The following HNF4G variants were observed in gnomAD, a reference collection of about 807,000 sequenced individuals.
HNF4G encodes hepatocyte nuclear factor 4-gamma.
Under a neutral mutation model 50.9 loss-of-function variants are expected in HNF4G, and 21 were observed. The ratio of observed to expected loss-of-function variants is 0.41; its 90% confidence interval spans 0.29 to 0.59. The LOEUF (loss-of-function observed/expected upper bound fraction) is 0.59. Among genes scored for constraint, HNF4G ranks in the 20% least tolerant of loss-of-function variants. The pLI, the probability that HNF4G is intolerant of heterozygous loss-of-function variation, is 0.26. For missense variants in HNF4G, 527 were observed against 559.4 expected, an observed-to-expected ratio of 0.94 and a Z score of 0.58; for synonymous variants, 198 against 185.6, an observed-to-expected ratio of 1.07 and a Z score of -0.54.
intron 1 of HNF4G, among the ~76,000 whole-genome samples, chr8:75,410,175 C>T (rs1810468053): frequency 6.6e-6 from 1 of 152,006 alleles, no homozygotes; most frequent in African/African-American, 2.4e-5. Context: ...ATATGAATAT[C>T]TATGTACATT....
At chr8:75,510,347 G>A (rs541343200) in intron 2 of HNF4G, among the ~76,000 whole-genome samples, 11 of 152,168 alleles carry the variant, frequency 7.2e-5, no homozygotes, top group African/African-American at 2.4e-4. Context: ...GTAAGTTAAG[G>A]TTAATTTATT....
Position 75,493,506 on chromosome 8 carries a change from GGTATT to G in HNF4G, c.-24+3302_-24+3306del, listed in dbSNP as rs577294094. 4.2e-4 allele frequency among the ~76,000 whole-genome samples: 64 copies of G among 151,998 alleles called. 1 individual carries two copies. The highest frequency in any genetic ancestry group is 1.5e-3 in the African/African-American group (62 of 41,464). On this transcript the variant is annotated intron_variant, in intron 2 of 10. Coordinates refer to the HNF4G transcript ENST00000354370. ...TTTGACTGCATTCTTATCAATACTT[GGTATT>G]GTAATTGAAAAATAATAAAATGCTA...
chr8:75,504,037 C>T (rs1057082453), intron 2 of HNF4G, among the ~76,000 whole-genome samples: 2 of 152,056 alleles, frequency 1.3e-5, no homozygotes, highest in African/African-American at 4.8e-5. Context: ...GCCTGGCCAA[C>T]ATGGTGAAAC....
chr8:75,487,983 AACTC>A (rs1257127967), intron 1 of HNF4G, among the ~76,000 whole-genome samples: 5 of 152,154 alleles, frequency 3.3e-5, no homozygotes, highest in Non-Finnish European at 5.9e-5. Flanking sequence ...ATCTCTTGAG[AACTC>A]ACTCACTATC....
Position 75,521,666 on chromosome 8 carries a change from C to T in HNF4G, c.-23-22145C>T, listed in dbSNP as rs574407423. ...GTTACTACAGAAAACTAATTTGATACCATCTTTTACTTGATATATCTTGTT... is the reference window on the plus strand; with the variant it reads ...GTTACTACAGAAAACTAATTTGATATCATCTTTTACTTGATATATCTTGTT... On this transcript the variant is annotated intron_variant, in intron 2 of 10. Transcript: ENST00000354370. 2.6e-5 allele frequency among the ~76,000 whole-genome samples: 4 copies of T among 152,214 alleles called. No individual in the cohort carries two copies. In the South Asian group the frequency reaches 8.3e-4, roughly 32 times the overall value.
chr8:75,550,894 A>G (rs932415744), intron 3 of HNF4G, among the ~76,000 whole-genome samples: 2 of 152,094 alleles, frequency 1.3e-5, no homozygotes, highest in African/African-American at 4.8e-5. Flanking sequence ...GTTTTATAAG[A>G]GATCATAATA....
chr8:75,431,635 A>G (rs1002257272), intron 1 of HNF4G, among the ~76,000 whole-genome samples: 1 of 152,140 alleles, frequency 6.6e-6, no homozygotes, highest in Admixed American at 6.6e-5. Flanking sequence ...ACTAAAGAAT[A>G]TAGATGCTAA....
chr8:75,492,008 C>T (rs1291489932), intron 2 of HNF4G, among the ~76,000 whole-genome samples: 1 of 152,212 alleles, frequency 6.6e-6, no homozygotes, highest in Non-Finnish European at 1.5e-5. Flanking sequence ...GCCAGGTTTA[C>T]TCCAGAGCTG....
intron 8 of HNF4G, among the ~76,000 whole-genome samples, chr8:75,559,607 A>G (rs1807247126): frequency 6.6e-6 from 1 of 152,048 alleles, no homozygotes; most frequent in South Asian, 2.1e-4. Flanking sequence ...CACCACCTCT[A>G]TTCCACAGTC....
At chr8:75,511,832 C>T (rs1466558680) in intron 2 of HNF4G, among the ~76,000 whole-genome samples, 1 of 152,228 alleles carries the variant, frequency 6.6e-6, no homozygotes, top group South Asian at 2.1e-4. Context: ...CCCGCCTCGG[C>T]CTCCCAGAGT....
rs1163193727 is a variant in HNF4G, at chr8:75,506,248, CA to C, written c.-24+16046del. 3.3e-5 allele frequency among the ~76,000 whole-genome samples: 5 copies of C among 151,648 alleles called. No homozygotes were observed. In the East Asian group the frequency reaches 9.7e-4, roughly 29 times the overall value. On this transcript the variant is annotated intron_variant, in intron 2 of 10. Coordinates refer to the HNF4G transcript ENST00000354370. The stretch of plus-strand genomic sequence containing the variant: ...GATTTTAAGAATCTGAAATTTCTGT[CA>C]AAAAATGTAAAGCTAATTTTATAAA...
intron 2 of HNF4G, among the ~76,000 whole-genome samples, chr8:75,515,473 G>A (rs1217625942): frequency 1.3e-5 from 2 of 152,072 alleles, no homozygotes; most frequent in African/African-American, 4.8e-5. Context: ...AGGCTGAGAA[G>A]TCCCACAACA....
chr8:75,464,645 A>G lies in HNF4G; in HGVS notation c.-143-25444A>G, dbSNP rs138572810. ...TATTTGACTCAATATAATTTTGCTT[A>G]TGTATTATTGTTTTAACTTTTATGG... On this transcript the variant is annotated intron_variant, in intron 1 of 10. Transcript: ENST00000354370. Among the ~76,000 whole-genome samples the G allele has an allele frequency of 2.6e-3, 396 of 152,254 alleles. 1 individual carries two copies. Among genetic ancestry groups the G allele is most frequent in the African/African-American group, 8.6e-3 (358 of 41,562 alleles).
In HNF4G at chr8:75,426,127, T is replaced by C. The variant is rs76890820; in HGVS notation, c.-144+17965T>C. 2.0e-5 allele frequency among the ~76,000 whole-genome samples: 3 copies of C among 152,350 alleles called. No individual in the cohort carries two copies. The East Asian group carries it at 5.8e-4, about 29-fold the overall frequency. On this transcript the variant is annotated intron_variant, in intron 1 of 10. Transcript: ENST00000354370. ...CACTTGCCTTTGGTCATTTCCTTTC[T>C]TTCCGTATAAGCTTACTGTACATGC...
chr8:75,522,216 C>A (rs536406804), intron 2 of HNF4G, among the ~76,000 whole-genome samples: 38 of 152,224 alleles, frequency 2.5e-4, no homozygotes, highest in African/African-American at 7.7e-4. Context: ...ATTAAACAAA[C>A]TTTTTTTATA....
At chr8:75,425,476 A>G (rs911339980) in intron 1 of HNF4G, among the ~76,000 whole-genome samples, 5 of 151,444 alleles carry the variant, frequency 3.3e-5, no homozygotes, top group Admixed American at 1.3e-4. Context: ...GGCTTTTAAC[A>G]TATATCCTTG....
chr8:75,522,115 C>G (rs1806059636), intron 2 of HNF4G, among the ~76,000 whole-genome samples: 1 of 152,186 alleles, frequency 6.6e-6, no homozygotes, highest in African/African-American at 2.4e-5. Context: ...AAAGCTTTTT[C>G]AATGAATGAC....
intron 2 of HNF4G, among the ~76,000 whole-genome samples, chr8:75,494,304 A>G (rs1343282217): frequency 0.045 from 1,402 of 30,974 alleles, 13 homozygotes; most frequent in African/African-American, 0.071. Flanking sequence ...CATACAGCAC[A>G]CACACACACA....
intron 1 of HNF4G, among the ~76,000 whole-genome samples, chr8:75,489,911 T>G (rs1408765619): frequency 1.3e-5 from 2 of 152,222 alleles, no homozygotes; most frequent in Non-Finnish European, 2.9e-5. Context: ...CACTAGAGTT[T>G]TCTTAAGTAT....
Sources: allele counts gnomAD v4.1 joint callset (sites outside exome capture counted in the v4.1 genomes callset), GRCh38; gene constraint gnomAD v4.1.1; transcripts MANE v1.5; gene names NCBI Gene and HGNC (gene_info 2026-07-23, HGNC 2026-07-21).